SLC66A3: variants seen among roughly 807,000 people sequenced by gnomAD.
SLC66A3 encodes PQ loop repeat containing 3.
Under a neutral mutation model 25.5 loss-of-function variants are expected in SLC66A3, and 23 were observed. The observed-to-expected ratio is 0.90, with a 90% CI of 0.65 to 1.28. The LOEUF is 1.28. Ranked by LOEUF, SLC66A3 falls within the 50% of genes most tolerant of loss-of-function variation. The pLI is 0.00. For synonymous variants in SLC66A3, 108 were observed against 112.6 expected (o/e 0.96, Z 0.26); for missense variants, 246 against 262.1 (o/e 0.94, Z 0.42).
intron 1 of SLC66A3, among the ~76,000 whole-genome samples, chr2:11,159,169 A>G (rs1022545978): frequency 6.6e-6 from 1 of 152,192 alleles, no homozygotes; most frequent in African/African-American, 2.4e-5. Flanking sequence ...TCGATGGTGA[A>G]GACCCCCATA....
intron 4 of SLC66A3, among the ~76,000 whole-genome samples, chr2:11,169,324 C>G (rs1178107431): frequency 2.6e-5 from 4 of 152,200 alleles, no homozygotes; most frequent in African/African-American, 9.6e-5. Flanking sequence ...GTCACAGGTC[C>G]TGGGGACCCA....
intron 4 of SLC66A3, among the ~76,000 whole-genome samples, chr2:11,171,301 G>A (rs552232832): frequency 3.9e-5 from 6 of 152,238 alleles, no homozygotes; most frequent in African/African-American, 1.2e-4. Context: ...CTGGGCAACA[G>A]AGTGAGACTC....
rs766647181 is a variant in SLC66A3 at position 11,155,701 on chromosome 2, G to A, written c.143+12G>A. 7.2e-7 allele frequency: 1 copy of A among 1,390,910 alleles called. No homozygotes were observed. Among genetic ancestry groups the A allele is most frequent in the Non-Finnish European group, 9.3e-7 (1 of 1,075,158 alleles). 86.2% of individuals were successfully genotyped at this position (1,390,910 alleles called of 1,614,324 possible). A position where few individuals can be genotyped will look rare whatever the true frequency, so the allele number is the denominator to read the frequency against. On this transcript the variant is annotated intron_variant, in intron 1 of 6. Transcript: ENST00000295083. ...CTGGAGCTGGCAGGGTAAGGCCCGG[G>A]GCGGCCGGGGCTGCCTCCTGCCCCC...
intron 4 of SLC66A3, among the ~76,000 whole-genome samples, chr2:11,168,441 G>A (rs1383564810): frequency 6.6e-6 from 1 of 152,138 alleles, no homozygotes; most frequent in Non-Finnish European, 1.5e-5. Context: ...CACTACTTCA[G>A]GACTGTAAAA....
At chr2:11,165,130 T>A (rs1230474241) in intron 4 of SLC66A3, among the ~76,000 whole-genome samples, 1 of 149,730 alleles carries the variant, frequency 6.7e-6, no homozygotes, top group African/African-American at 2.5e-5. Context: ...ACCCCCCACC[T>A]CCCGGACGGG....
At chr2:11,171,243 G>A (rs1662542826) in intron 4 of SLC66A3, among the ~76,000 whole-genome samples, 1 of 152,070 alleles carries the variant, frequency 6.6e-6, no homozygotes, top group Non-Finnish European at 1.5e-5. Context: ...GCTTGAACCT[G>A]GGAGGTGGAG....
At chr2:11,175,154 T>C in intron 6 of SLC66A3, 145 bp downstream of exon 6, 2 of 597,038 alleles carry the variant, frequency 3.3e-6, no homozygotes, top group Admixed American at 3.2e-5. Context: ...TTCCTAGTCT[T>C]ATTGGTCACC....
chr2:11,156,135 C>T (rs938790038), intron 1 of SLC66A3, among the ~76,000 whole-genome samples: 3 of 152,202 alleles, frequency 2.0e-5, no homozygotes, highest in African/African-American at 7.2e-5. Flanking sequence ...GTATGAATCT[C>T]TTCTCTTCTC....
chr2:11,175,232 T>C (rs1662696607), intron 6 of SLC66A3, among the ~76,000 whole-genome samples: 1 of 152,214 alleles, frequency 6.6e-6, no homozygotes, highest in East Asian at 1.9e-4. Context: ...AATAGATTCC[T>C]ATCTCCATGG....
At chr2:11,168,208 C>T (rs545511489) in intron 4 of SLC66A3, among the ~76,000 whole-genome samples, 2 of 151,898 alleles carry the variant, frequency 1.3e-5, no homozygotes, top group African/African-American at 4.8e-5. Flanking sequence ...TGGCGTGAAC[C>T]CGGGAGGCAG....
At chr2:11,158,617 G>A (rs924432285) in intron 1 of SLC66A3, among the ~76,000 whole-genome samples, 3 of 152,130 alleles carry the variant, frequency 2.0e-5, no homozygotes, top group Non-Finnish European at 2.9e-5. Context: ...AGCCGAGATC[G>A]TGCCACTGCA....
intron 5 of SLC66A3, chr2:11,172,672 G>A (rs1662596052): frequency 2.7e-6 from 1 of 368,330 alleles, no homozygotes; most frequent in Admixed American, 3.1e-5. Context: ...ATCCATGGTT[G>A]CTGGTCTTTA....
intron 5 of SLC66A3, among the ~76,000 whole-genome samples, chr2:11,173,339 T>A (rs189380922): frequency 9.2e-5 from 14 of 152,358 alleles, no homozygotes; most frequent in African/African-American, 3.1e-4. Flanking sequence ...GCCCATTTTT[T>A]AATTGGGTCA....
chr2:11,158,618 T>C (rs934463286), intron 1 of SLC66A3, among the ~76,000 whole-genome samples: 7 of 151,788 alleles, frequency 4.6e-5, no homozygotes, highest in Non-Finnish European at 8.8e-5. Context: ...GCCGAGATCG[T>C]GCCACTGCAC....
In SLC66A3 at chr2:11,160,491, T is replaced by G; in HGVS notation, c.169T>G (p.Cys57Gly). ...AGFLVFLRYQ[C>G]YYGYPPLTYL... Reference sequence around the variant, plus strand: ...ATTCCTGGTGTTTCTGCGGTACCAGTGTTACTATGGGTATCCGCCGCTGAC... The same window carrying G: ...ATTCCTGGTGTTTCTGCGGTACCAGGGTTACTATGGGTATCCGCCGCTGAC... Residue 57 changes from cysteine to glycine, a missense_variant, in exon 2 of 7, where the codon TGT becomes GGT. Coordinates refer to ENST00000295083, the MANE Select transcript of SLC66A3 (RefSeq NM_152391.5). 1 of 1,614,062 alleles carries G rather than the reference T, an allele frequency of 6.2e-7. No individual in the cohort carries two copies. Among genetic ancestry groups the G allele is most frequent in the Non-Finnish European group, 8.5e-7 (1 of 1,179,986 alleles).
chr2:11,176,525 CTTTTTTTTTTTTT>C (rs775778444), intron 6 of SLC66A3, among the ~76,000 whole-genome samples: 1 of 87,306 alleles, frequency 1.1e-5, no homozygotes, highest in Non-Finnish European at 2.2e-5. Context: ...CTGGGAATAA[CTTTTTTTTTTTTT>C]TTTTTTTTGA....
At chr2:11,160,186 T>C in intron 1 of SLC66A3, 1 of 508,346 alleles carries the variant, frequency 2.0e-6, no homozygotes, top group Non-Finnish European at 3.5e-6. Context: ...ATTTGCCTTC[T>C]GTAAAAATCC....
chr2:11,165,070 G>A (rs916870816), intron 4 of SLC66A3, among the ~76,000 whole-genome samples: 22 of 151,858 alleles, frequency 1.4e-4, no homozygotes, highest in Non-Finnish European at 2.2e-4. Flanking sequence ...ACGGGGTGGC[G>A]GCCGGGCAGA....
At chr2:11,169,915 T>C (rs1662489394) in intron 4 of SLC66A3, among the ~76,000 whole-genome samples, 1 of 149,500 alleles carries the variant, frequency 6.7e-6, no homozygotes, top group African/African-American at 2.5e-5. Context: ...CTTGGCTCAC[T>C]GCAACCTCCA....
Sources: gnomAD v4.1 joint callset for allele counts (sites outside exome capture counted in the v4.1 genomes callset) on GRCh38, gnomAD v4.1.1 for gene constraint, MANE v1.5 for transcripts, NCBI Gene and HGNC (gene_info 2026-07-23, HGNC 2026-07-21) for gene names.